TBC1D14: variants seen among roughly 807,000 people sequenced by gnomAD.
TBC1D14 encodes the protein TBC1 domain family member 14.
Under a neutral mutation model 79.0 loss-of-function variants are expected in TBC1D14, and 26 were observed. The ratio of observed to expected loss-of-function variants is 0.33; its 90% CI spans 0.24 to 0.46. The LOEUF (loss-of-function observed/expected upper bound fraction) is 0.46, where lower values mean the gene tolerates loss of function less well. Among genes scored for constraint, TBC1D14 ranks in the 20% least tolerant of loss-of-function variants. TBC1D14 has a pLI of 1.00. For synonymous variants in TBC1D14, 394 were observed against 349.9 expected, an observed-to-expected ratio of 1.13 and a Z score of -1.40; for missense variants, 769 against 887.6, an observed-to-expected ratio of 0.87 and a Z score of 1.70.
chr4:6,909,534 G>A (rs1308478978), upstream of TBC1D14: 1 of 152,140 alleles, frequency 6.6e-6, no homozygotes, highest in African/African-American at 2.4e-5. Flanking sequence ...GATGTCCGTG[G>A]GGGCCCTGCG....
intron 3 of TBC1D14, among the ~76,000 whole-genome samples, chr4:6,982,303 C>T (rs886744168): frequency 3.3e-5 from 5 of 152,260 alleles, no homozygotes; most frequent in Admixed American, 2.6e-4. Context: ...CACCTAATAC[C>T]TTGGGTGAAC....
In TBC1D14 at chr4:6,982,460, C is replaced by T. The variant is rs943567280; in HGVS notation, c.844-11724C>T. Among the ~76,000 whole-genome samples the T allele has an allele frequency of 5.9e-5, 9 of 152,208 alleles. 1 individual carries two copies. In the South Asian group the frequency reaches 1.2e-3, roughly 21 times the overall value. Reference sequence around the variant, plus strand: ...TGGGGTAGGGTGTGACTACCGAGGGCTAACACAAAGGAGGTTTTGAGAGTG... The same window carrying T: ...TGGGGTAGGGTGTGACTACCGAGGGTTAACACAAAGGAGGTTTTGAGAGTG... On this transcript the variant is annotated intron_variant, in intron 3 of 13. Coordinates refer to ENST00000409757, the MANE Select transcript of TBC1D14 (RefSeq NM_020773.3).
chr4:6,968,725 A>G (rs1715941812), intron 3 of TBC1D14, among the ~76,000 whole-genome samples: 1 of 61,560 alleles, frequency 1.6e-5, no homozygotes, highest in South Asian at 7.8e-4. Flanking sequence ...GAGGCTGGCC[A>G]TGGGGCCTGT....
intron 2 of TBC1D14, among the ~76,000 whole-genome samples, chr4:6,928,890 C>T (rs563924670): frequency 2.0e-5 from 3 of 152,250 alleles, no homozygotes; most frequent in South Asian, 2.1e-4. Context: ...CTGGGCACAT[C>T]GCAGCATGTT....
intron 12 of TBC1D14, among the ~76,000 whole-genome samples, chr4:7,024,349 G>T (rs1560365919): frequency 6.6e-6 from 1 of 152,220 alleles, no homozygotes. Flanking sequence ...CCTCCAGGAG[G>T]GGTGGAGATG....
rs960064608 is a variant in TBC1D14, at chr4:7,010,756, C to T, written c.1622C>T (p.Ala541Val). ...SNLLNKPCQM[A>V]FFRVDHGLML... ...CTTCTGAATAAACCCTGTCAAATGGCGTTTTTTAGAGTGGACCATGGCCTT... is the reference window on the plus strand; with the variant it reads ...CTTCTGAATAAACCCTGTCAAATGGTGTTTTTTAGAGTGGACCATGGCCTT... Residue 541 changes from alanine (A) to valine (V), a missense_variant, in exon 11 of 14, where the codon GCG (alanine) becomes GTG (valine). Physicochemically the swap from Ala to Val is moderately conservative, Grantham distance 64. Around this residue, in one of 2 missense-constraint regions of TBC1D14, gnomAD observed 367 missense variants for 494.4 expected, o/e 0.74. Transcript: ENST00000409757. 2.5e-5 allele frequency: 41 copies of T among 1,613,628 alleles called. No individual in the cohort carries two copies. Among genetic ancestry groups the T allele is most frequent in the Non-Finnish European group, 3.4e-5 (40 of 1,179,882 alleles).
At chr4:7,026,258 C>T (rs1019466134) in intron 13 of TBC1D14, among the ~76,000 whole-genome samples, 1 of 152,090 alleles carries the variant, frequency 6.6e-6, no homozygotes, top group African/African-American at 2.4e-5. Context: ...ACTGTGGAAG[C>T]GCAGCGGCTG....
At chr4:7,014,369 GAT>G in intron 11 of TBC1D14, 77 bp from the exon 12 acceptor site, 3 of 865,606 alleles carry the variant, frequency 3.5e-6, no homozygotes, top group Non-Finnish European at 5.7e-6. Context: ...AGAGTCTAAA[GAT>G]ATACATATAT....
chr4:7,007,599 C>G lies in TBC1D14; in HGVS notation c.1446+873C>G, dbSNP rs988804607. On this transcript the variant is annotated intron_variant, in intron 9 of 13. Coordinates refer to ENST00000409757, the MANE Select transcript of TBC1D14 (RefSeq NM_020773.3). Reference sequence around the variant, plus strand: ...GAGGAAAGAGAGGGAATCTACAAAGCTCCAGCAGCTTTGGTCCTGGTGTCT... The same window carrying G: ...GAGGAAAGAGAGGGAATCTACAAAGGTCCAGCAGCTTTGGTCCTGGTGTCT... The G allele has an allele frequency of 2.3e-6, 3 of 1,289,376 alleles. No individual in the cohort carries two copies. In the South Asian group the frequency reaches 3.7e-5, roughly 16 times the overall value. The allele number at this position is 1,289,376 out of a possible 1,614,324, so 79.9% of individuals were successfully genotyped here. A position where few individuals can be genotyped will look rare whatever the true frequency, so the allele number is the denominator to read the frequency against.
intron 12 of TBC1D14, 129 bp downstream of exon 12, chr4:7,014,686 G>C: frequency 1.5e-6 from 1 of 650,402 alleles, no homozygotes; most frequent in Non-Finnish European, 2.7e-6. Context: ...TTCCCTGATG[G>C]CCCTGCCCTT....
At chr4:6,995,580 T>A (rs1450032759) in intron 4 of TBC1D14, 1 of 152,080 alleles carries the variant, frequency 6.6e-6, no homozygotes, top group Non-Finnish European at 1.5e-5. Flanking sequence ...TGGCGCGATC[T>A]TGGCTCACTG....
Position 7,030,561 on chromosome 4 carries a change from T to A in TBC1D14, c.*169T>A. The A allele has an allele frequency of 1.6e-6, 1 of 641,780 alleles. No individual in the cohort carries two copies. Among genetic ancestry groups the A allele is most frequent in the Non-Finnish European group, 2.7e-6 (1 of 376,818 alleles). 39.8% of individuals were successfully genotyped at this position (641,780 alleles called of 1,614,324 possible). On this transcript the variant is annotated 3_prime_UTR_variant, in exon 14 of 14. Coordinates refer to ENST00000409757, the MANE Select transcript of TBC1D14 (RefSeq NM_020773.3). ...ACAAACACAAAAACTTTTAAAGAAT[T>A]AAACCAAGGCTTAGCCTTAAGCAGC...
intron 1 of TBC1D14, among the ~76,000 whole-genome samples, chr4:6,918,623 G>A (rs1472203782): frequency 2.0e-5 from 3 of 152,170 alleles, no homozygotes; most frequent in Admixed American, 6.5e-5. Flanking sequence ...ATTTGAGGTC[G>A]CCTTACTTGG....
chr4:6,909,472 C>T (rs1722783443), upstream of TBC1D14: 1 of 152,324 alleles, frequency 6.6e-6, no homozygotes, highest in African/African-American at 2.4e-5. Context: ...GGCCGCTTCC[C>T]ACTTCCAAGA....
At chr4:7,015,725 G>A (rs1022756894) in intron 12 of TBC1D14, among the ~76,000 whole-genome samples, 1 of 152,128 alleles carries the variant, frequency 6.6e-6, no homozygotes, top group Admixed American at 6.5e-5. Flanking sequence ...AGCAGCCCCA[G>A]CCCAAACCCA....
At chr4:6,910,746 G>A (rs935820031) in intron 1 of TBC1D14, 9 of 152,348 alleles carry the variant, frequency 5.9e-5, no homozygotes, top group African/African-American at 1.7e-4. Context: ...CGGGGTGACC[G>A]CGCCTGACCA....
intron 5 of TBC1D14, among the ~76,000 whole-genome samples, chr4:6,997,967 T>G (rs1331827999): frequency 1.3e-5 from 2 of 152,226 alleles, no homozygotes; most frequent in East Asian, 1.9e-4. Flanking sequence ...ATGAATGTTC[T>G]TAATGCCACT....
intron 1 of TBC1D14, among the ~76,000 whole-genome samples, chr4:6,922,360 T>C (rs1723936479): frequency 1.3e-5 from 2 of 152,248 alleles, no homozygotes. Flanking sequence ...GCTGGCCTTC[T>C]GACCTGGGTT....
chr4:6,978,754 AAAG>A (rs1363876779), intron 3 of TBC1D14, among the ~76,000 whole-genome samples: 6 of 150,902 alleles, frequency 4.0e-5, no homozygotes, highest in Admixed American at 6.6e-5. Context: ...AAAAAAAAAA[AAAG>A]AAAAGAAAAT....
Sources: allele counts gnomAD v4.1 joint callset (sites outside exome capture counted in the v4.1 genomes callset), GRCh38; gene constraint gnomAD v4.1.1; regional missense constraint gnomAD v4.1.1; transcripts MANE v1.5; gene names NCBI Gene and HGNC (gene_info 2026-07-23, HGNC 2026-07-21).